The following SAMD12 variants were observed in gnomAD, a reference collection of about 807,000 sequenced individuals.
SAMD12 encodes the protein sterile alpha motif domain-containing protein 12.
Under a neutral mutation model 15.0 loss-of-function variants are expected in SAMD12, and 9 were observed. The observed-to-expected ratio is 0.60, with a 90% CI of 0.36 to 1.05. The LOEUF is 1.05. Ranked by LOEUF, SAMD12 falls within the 50% of genes least tolerant of loss-of-function variation. The probability of loss-of-function intolerance (pLI) is 0.01; values close to 1 mark genes in which losing one functional copy is unlikely to be tolerated. For synonymous variants in SAMD12, 86 were observed against 90.1 expected, an observed-to-expected ratio of 0.96 and a Z score of 0.25; for missense variants, 230 against 234.2, an observed-to-expected ratio of 0.98 and a Z score of 0.12.
intron 2 of SAMD12, among the ~76,000 whole-genome samples, chr8:118,554,635 C>A (rs1274659239): frequency 6.6e-6 from 1 of 151,708 alleles, no homozygotes; most frequent in African/African-American, 2.4e-5. Context: ...ATGTAACTAA[C>A]CTGCACATTG....
chr8:118,526,811 C>G (rs1001530001), intron 2 of SAMD12, among the ~76,000 whole-genome samples: 1 of 152,166 alleles, frequency 6.6e-6, no homozygotes, highest in Admixed American at 6.6e-5. Flanking sequence ...ATAGACACAG[C>G]CTTCTGAGAC....
intron 2 of SAMD12, among the ~76,000 whole-genome samples, chr8:118,549,873 T>C (rs532847731): frequency 6.7e-4 from 102 of 151,648 alleles, no homozygotes; most frequent in African/African-American, 2.3e-3. Flanking sequence ...CAGAACTACA[T>C]GAAGAATGCA....
At chr8:118,440,180 C>G (rs1822698040) in intron 2 of SAMD12, among the ~76,000 whole-genome samples, 1 of 152,154 alleles carries the variant, frequency 6.6e-6, no homozygotes, top group African/African-American at 2.4e-5. Flanking sequence ...CTAACCATCT[C>G]TGCTAAGAAA....
chr8:118,372,274 T>C (rs1819143518), intron 4 of SAMD12, among the ~76,000 whole-genome samples: 1 of 152,168 alleles, frequency 6.6e-6, no homozygotes, highest in African/African-American at 2.4e-5. Flanking sequence ...CATATCCTAT[T>C]GCCTGGTCAA....
chr8:118,528,497 A>G (rs922440459), intron 2 of SAMD12, among the ~76,000 whole-genome samples: 2 of 152,252 alleles, frequency 1.3e-5, no homozygotes, highest in African/African-American at 2.4e-5. Context: ...ATGTTCTAAT[A>G]TCTTCAATGA....
chr8:118,329,902 T>C (rs771732574), intron 4 of SAMD12, among the ~76,000 whole-genome samples: 20 of 152,108 alleles, frequency 1.3e-4, no homozygotes, highest in Non-Finnish European at 2.4e-4. Context: ...CCAACATCTA[T>C]GGGAGAGGTT....
chr8:118,523,941 G>C (rs904368373), intron 2 of SAMD12, among the ~76,000 whole-genome samples: 4 of 152,060 alleles, frequency 2.6e-5, no homozygotes, highest in Admixed American at 2.0e-4. Flanking sequence ...GCTCCTTTAA[G>C]TCAAACTGTC....
At chr8:118,250,503 AT>A (rs112780663) in intron 4 of SAMD12, among the ~76,000 whole-genome samples, 11,522 of 138,544 alleles carry the variant, frequency 0.083, 1,047 homozygotes, top group African/African-American at 0.24. Context: ...GCAAAAATGG[AT>A]TTTTTTTTTT....
intron 4 of SAMD12, among the ~76,000 whole-genome samples, chr8:118,307,772 G>A (rs954690188): frequency 2.0e-5 from 3 of 150,442 alleles, no homozygotes; most frequent in East Asian, 2.0e-4. Flanking sequence ...CTTGTTCATC[G>A]TGCTTTGCGC....
chr8:118,574,595 G>A (rs913861311), intron 2 of SAMD12, among the ~76,000 whole-genome samples: 1 of 152,092 alleles, frequency 6.6e-6, no homozygotes, highest in Non-Finnish European at 1.5e-5. Context: ...CATATTAATT[G>A]TCATACTTTT....
rs748997790 is a variant in SAMD12 at position 118,439,926 on chromosome 8, T to C, written c.228A>G (p.Leu76=). ...ACTTGCAGACATCCTGCTGGGTCCATAGAGCCACCGGTTTAGATAGCTTCA... is the reference window on the plus strand; with the variant it reads ...ACTTGCAGACATCCTGCTGGGTCCACAGAGCCACCGGTTTAGATAGCTTCA... ...ATVKLSKPVA[L]WTQQDVCKWL... is the part of the protein sequence containing the mutation. Residue 76 remains leucine (L), a synonymous_variant, in exon 3 of 4, where the codon CTA becomes CTG. Coordinates refer to ENST00000314727, the MANE Select transcript of SAMD12 (RefSeq NM_207506.3). The C allele has an allele frequency of 2.4e-5, 38 of 1,613,724 alleles. No individual in the cohort carries two copies. Among genetic ancestry groups the C allele is most frequent in the Admixed American group, 3.3e-5 (2 of 59,996 alleles).
chr8:118,231,176 T>C (rs17432604), intron 4 of SAMD12, among the ~76,000 whole-genome samples: 82 of 152,232 alleles, frequency 5.4e-4, no homozygotes, highest in Non-Finnish European at 1.0e-3. Flanking sequence ...GAGTAGATGA[T>C]AAAATATTTG....
chr8:118,209,481 G>A (rs934924722), intron 4 of SAMD12, among the ~76,000 whole-genome samples: 26 of 152,184 alleles, frequency 1.7e-4, no homozygotes, highest in Non-Finnish European at 3.4e-4. Flanking sequence ...CTCAAAGCAC[G>A]TTGCTATAAA....
intron 4 of SAMD12, among the ~76,000 whole-genome samples, chr8:118,229,328 T>A (rs2129912624): frequency 6.6e-6 from 1 of 151,676 alleles, no homozygotes; most frequent in African/African-American, 2.4e-5. Context: ...AATAAAAATA[T>A]CAAACTTATT....
intron 4 of SAMD12, among the ~76,000 whole-genome samples, chr8:118,263,436 C>T (rs1331093166): frequency 6.6e-6 from 1 of 151,968 alleles, no homozygotes; most frequent in East Asian, 1.9e-4. Context: ...ATGTGAAACT[C>T]TTCAGACACA....
the SAMD12 span, among the ~76,000 whole-genome samples, chr8:118,182,333 A>G: frequency 6.6e-6 from 1 of 152,210 alleles, no homozygotes; most frequent in East Asian, 1.9e-4. Flanking sequence ...TGATTTTTGC[A>G]TTATTCTCCA....
At chr8:118,281,951 T>A (rs1813668665) in intron 4 of SAMD12, among the ~76,000 whole-genome samples, 1 of 152,220 alleles carries the variant, frequency 6.6e-6, no homozygotes, top group South Asian at 2.1e-4. Context: ...AGACAGGGGC[T>A]GCATCCTTCA....
chr8:118,400,318 A>G (rs1820805034), intron 3 of SAMD12: 1 of 152,238 alleles, frequency 6.6e-6, no homozygotes, highest in African/African-American at 2.4e-5. Flanking sequence ...CCTGACAAAG[A>G]CTTCGCAGCC....
intron 4 of SAMD12, among the ~76,000 whole-genome samples, chr8:118,296,095 A>G (rs994857840): frequency 3.3e-5 from 5 of 152,248 alleles, no homozygotes; most frequent in Non-Finnish European, 5.9e-5. Flanking sequence ...GTGGATATGC[A>G]TTTAGCAAGG....
Sources: gnomAD v4.1 joint callset for allele counts (sites outside exome capture counted in the v4.1 genomes callset) on GRCh38, gnomAD v4.1.1 for gene constraint, MANE v1.5 for transcripts, NCBI Gene and HGNC (gene_info 2026-07-23, HGNC 2026-07-21) for gene names.